Variants in KIF15 observed in about 807,000 individuals in gnomAD.
The protein encoded by KIF15 is kinesin family member 15.
KIF15 carries 140 observed loss-of-function variants against 190.6 expected under a neutral mutation model. That is an observed-to-expected ratio of 0.73 (90% CI 0.64 to 0.84). The LOEUF (loss-of-function observed/expected upper bound fraction) is 0.84, where lower values mean the gene tolerates loss of function less well. Ranked by LOEUF, KIF15 falls within the 40% of genes least tolerant of loss-of-function variation. The probability of loss-of-function intolerance (pLI) is 0.00; values close to 1 mark genes in which losing one functional copy is unlikely to be tolerated. For missense variants in KIF15, 1,372 were observed against 1,584.4 expected (o/e 0.87, Z 2.28); for synonymous variants, 528 against 551.3 (o/e 0.96, Z 0.59).
chr3:44,816,850 T>C (rs150272423), intron 20 of KIF15, among the ~76,000 whole-genome samples: 2,842 of 152,316 alleles, frequency 0.019, 76 homozygotes, highest in African/African-American at 0.064. Flanking sequence ...ATTTACGCTC[T>C]CACCAACAGC....
rs28678371 is a variant in KIF15 at position 44,820,484 on chromosome 3, G to A, written c.2549+5408G>A. On this transcript the variant is annotated intron_variant, in intron 20 of 34. Coordinates refer to ENST00000326047, the MANE Select transcript of KIF15 (RefSeq NM_020242.3). ...ACAAAGGTCTCTGGTTTTCCTAGGC[G>A]GAGGACCCTGCGGCCTTCCGCAGTG... is the stretch of plus-strand genomic sequence containing the variant. Among the ~76,000 whole-genome samples, 26 of 152,206 alleles carry A rather than the reference G, an allele frequency of 1.7e-4. No homozygotes were observed. The Middle Eastern group carries it at 0.01, about 60-fold the overall frequency.
intron 6 of KIF15, among the ~76,000 whole-genome samples, chr3:44,786,108 CG>C (rs1706392171): frequency 6.6e-6 from 1 of 152,164 alleles, no homozygotes; most frequent in Non-Finnish European, 1.5e-5. Context: ...CCCAGCTACT[CG>C]GGAGGCTGAG....
intron 7 of KIF15, among the ~76,000 whole-genome samples, chr3:44,792,946 A>G (rs1706789189): frequency 6.6e-6 from 1 of 152,128 alleles, no homozygotes; most frequent in Non-Finnish European, 1.5e-5. Flanking sequence ...AGATAAAGAC[A>G]CTAATTTCCC....
At chr3:44,832,017 A>C (rs1322265484) in intron 26 of KIF15, among the ~76,000 whole-genome samples, 1 of 152,226 alleles carries the variant, frequency 6.6e-6, no homozygotes, top group Non-Finnish European at 1.5e-5. Context: ...ATTGAAAAAC[A>C]CTGTTACTTA....
intron 6 of KIF15, chr3:44,862,064 G>GCGCGTTCGGGGCCCTGGCCGC (rs1575701565): frequency 3.8e-6 from 5 of 1,322,822 alleles, no homozygotes; most frequent in South Asian, 4.8e-5. Flanking sequence ...CTGTGCGCCG[G>GCGCGTTCGGGGCCCTGGCCGC]CGCGTTCGGG....
chr3:44,833,623 A>G (rs909204072), intron 26 of KIF15, among the ~76,000 whole-genome samples: 4 of 141,068 alleles, frequency 2.8e-5, no homozygotes, highest in African/African-American at 9.9e-5. Flanking sequence ...GCGATGGGGA[A>G]TGGCTGTAAA....
chr3:44,854,078 A>G (rs975808960), downstream of KIF15, among the ~76,000 whole-genome samples: 1 of 152,170 alleles, frequency 6.6e-6, no homozygotes, highest in African/African-American at 2.4e-5. Context: ...ACACAACTCT[A>G]TGTTTACTAA....
chr3:44,848,061 AGAT>A lies in KIF15; in HGVS notation c.3768+5_3768+7del. On this transcript the variant is annotated splice_donor_5th_base_variant and intron_variant, in intron 31 of 34. Coordinates refer to ENST00000326047, the MANE Select transcript of KIF15 (RefSeq NM_020242.3). ...TATCAAAGAAAGACTTGCAAAAGTA[AGAT>A]TTTTTTTTATGTAATAGTTTCTTCT... The A allele has an allele frequency of 6.3e-7, 1 of 1,575,114 alleles. No homozygotes were observed. Among genetic ancestry groups the A allele is most frequent in the Non-Finnish European group, 8.7e-7 (1 of 1,146,992 alleles).
At chr3:44,850,018 CT>C (rs1699007096) in intron 32 of KIF15, among the ~76,000 whole-genome samples, 1 of 152,114 alleles carries the variant, frequency 6.6e-6, no homozygotes, top group Admixed American at 6.5e-5. Flanking sequence ...GTATTTTCTG[CT>C]TTTATAGATA....
chr3:44,856,961 G>T (rs911033090), downstream of KIF15, among the ~76,000 whole-genome samples: 3 of 152,170 alleles, frequency 2.0e-5, no homozygotes, highest in Admixed American at 6.5e-5. Context: ...GTGGAGGAGG[G>T]CAGAGCGGTA....
chr3:44,843,005 A>G (rs1698676239), intron 29 of KIF15, 120 bp from the exon 30 acceptor site: 3 of 651,006 alleles, frequency 4.6e-6, no homozygotes, highest in Middle Eastern at 2.5e-4. Flanking sequence ...AGCAATACCC[A>G]GTGCAGTGTC....
At chr3:44,804,997 A>G in intron 14 of KIF15, 30 bp from the exon 15 acceptor site, 1 of 1,584,522 alleles carries the variant, frequency 6.3e-7, no homozygotes, top group East Asian at 2.2e-5. Flanking sequence ...AAAAAAAAAA[A>G]AAAGACTGAG....
intron 20 of KIF15, among the ~76,000 whole-genome samples, chr3:44,824,519 G>A (rs1414687638): frequency 3.3e-5 from 5 of 152,098 alleles, no homozygotes; most frequent in African/African-American, 9.7e-5. Flanking sequence ...CTTATCACAG[G>A]TGCACTGTTG....
chr3:44,862,739 C>T (rs1242318141), intron 6 of KIF15: 1 of 151,894 alleles, frequency 6.6e-6, no homozygotes, highest in Non-Finnish European at 1.5e-5. Flanking sequence ...CTCTCCCTCC[C>T]ACGTCGTAGA....
At chr3:44,773,546 T>C (rs958527231) in intron 1 of KIF15, among the ~76,000 whole-genome samples, 3 of 152,076 alleles carry the variant, frequency 2.0e-5, no homozygotes, top group African/African-American at 7.2e-5. Context: ...GAAGAAAAGA[T>C]AGGTGCCATT....
chr3:44,840,835 AT>A (rs34487315), intron 28 of KIF15, among the ~76,000 whole-genome samples: 90,439 of 150,122 alleles, frequency 0.6, 27,806 homozygotes, highest in East Asian at 0.89. Flanking sequence ...CGCCTGGCTA[AT>A]TTTTTTTTCT....
intron 4 of KIF15, 123 bp downstream of exon 4, chr3:44,778,314 G>A (rs1228641990): frequency 3.7e-6 from 3 of 801,508 alleles, no homozygotes; most frequent in Non-Finnish European, 6.4e-6. Context: ...TTACAGTTCT[G>A]TAAGTGAAAA....
At chr3:44,841,767 T>G (rs951117986) in intron 29 of KIF15, among the ~76,000 whole-genome samples, 2 of 152,020 alleles carry the variant, frequency 1.3e-5, no homozygotes, top group African/African-American at 4.8e-5. Flanking sequence ...AGCACAGAAC[T>G]GAAAGGTAGA....
chr3:44,775,109 AAAG>A, intron 2 of KIF15, 142 bp from the exon 3 acceptor site: 1 of 648,534 alleles, frequency 1.5e-6, no homozygotes, highest in Non-Finnish European at 2.6e-6. Context: ...TCAAAAAAAA[AAAG>A]AGGTAAATTT....
Sources: allele counts gnomAD v4.1 joint callset (sites outside exome capture counted in the v4.1 genomes callset), GRCh38; gene constraint gnomAD v4.1.1; transcripts MANE v1.5; gene names NCBI Gene and HGNC (gene_info 2026-07-23, HGNC 2026-07-21).